The following TTBK2 variants were observed in gnomAD, a reference collection of about 807,000 sequenced individuals.
The protein encoded by TTBK2 is tau-tubulin kinase 2.
In TTBK2, 28 loss-of-function variants were observed where a neutral mutation model predicts 110.8. The ratio of observed to expected loss-of-function variants is 0.25; its 90% CI spans 0.19 to 0.35. The LOEUF is 0.35. Among genes scored for constraint, TTBK2 ranks in the 10% least tolerant of loss-of-function variants. The pLI, the probability that TTBK2 is intolerant of heterozygous loss-of-function variation, is 1.00. For synonymous variants in TTBK2, 532 were observed against 527.3 expected, an observed-to-expected ratio of 1.01 and a Z score of -0.12; for missense variants, 1,369 against 1,500.3, an observed-to-expected ratio of 0.91 and a Z score of 1.45.
At chr15:42,847,726 G>C (rs1595980350) in intron 3 of TTBK2, among the ~76,000 whole-genome samples, 1 of 152,320 alleles carries the variant, frequency 6.6e-6, no homozygotes, top group Non-Finnish European at 1.5e-5. Flanking sequence ...GGCCTTCTTT[G>C]TGTGGGTCAG....
chr15:42,848,488 A>G (rs1381889525), intron 3 of TTBK2, among the ~76,000 whole-genome samples: 2 of 151,228 alleles, frequency 1.3e-5, no homozygotes, highest in African/African-American at 4.9e-5. Context: ...GAATATATAC[A>G]TATACTTTTT....
At chr15:42,804,272 C>G (rs1236853449) in intron 9 of TTBK2, among the ~76,000 whole-genome samples, 3 of 152,000 alleles carry the variant, frequency 2.0e-5, no homozygotes, top group Non-Finnish European at 4.4e-5. Context: ...TGGTGAAACC[C>G]CATGTCTACT....
At chr15:42,875,549 T>C (rs1894784581) in intron 2 of TTBK2, among the ~76,000 whole-genome samples, 1 of 152,022 alleles carries the variant, frequency 6.6e-6, no homozygotes, top group African/African-American at 2.4e-5. Context: ...GCTCTGAGGA[T>C]TGCCCTTAAC....
chr15:42,866,776 C>G (rs1894386736), intron 3 of TTBK2, among the ~76,000 whole-genome samples: 2 of 152,124 alleles, frequency 1.3e-5, no homozygotes, highest in Non-Finnish European at 2.9e-5. Context: ...TGGAAAAATT[C>G]TGAAATACAT....
chr15:42,831,936 A>G (rs969273540), intron 4 of TTBK2, among the ~76,000 whole-genome samples: 3 of 152,222 alleles, frequency 2.0e-5, no homozygotes, highest in Admixed American at 2.0e-4. Flanking sequence ...TTTGAAAAGT[A>G]ATAAACTCTT....
chr15:42,753,388 T>C, intron 13 of TTBK2, 141 bp from the exon 14 acceptor site: 1 of 827,984 alleles, frequency 1.2e-6, no homozygotes, highest in Non-Finnish European at 1.9e-6. Flanking sequence ...ATAAGAAAAA[T>C]GAACAATTCT....
At chr15:42,863,835 G>T (rs1053172022) in intron 3 of TTBK2, among the ~76,000 whole-genome samples, 1 of 152,128 alleles carries the variant, frequency 6.6e-6, no homozygotes, top group East Asian at 1.9e-4. Context: ...ATGTGGAAAG[G>T]CCTCCCTATT....
chr15:42,871,348 G>C, intron 3 of TTBK2: 1 of 700,626 alleles, frequency 1.4e-6, no homozygotes, highest in Non-Finnish European at 1.8e-6. Context: ...GTACTAAACT[G>C]ATCTTCAAGT....
intron 1 of TTBK2, among the ~76,000 whole-genome samples, chr15:42,885,717 T>A (rs1895216418): frequency 6.6e-6 from 1 of 151,950 alleles, no homozygotes; most frequent in Non-Finnish European, 1.5e-5. Flanking sequence ...GGGCAAGCAC[T>A]CCCCACCCCT....
At chr15:42,750,654 T>C (rs1353074845) in intron 14 of TTBK2, among the ~76,000 whole-genome samples, 6 of 150,372 alleles carry the variant, frequency 4.0e-5, no homozygotes, top group African/African-American at 1.2e-4. Context: ...ATTGTGGGAG[T>C]TCCAGAAGGA....
chr15:42,869,237 G>A (rs533980959), intron 3 of TTBK2, among the ~76,000 whole-genome samples: 17 of 151,920 alleles, frequency 1.1e-4, no homozygotes, highest in African/African-American at 3.1e-4. Flanking sequence ...ACAGGCGCAC[G>A]CCACCACGCT....
chr15:42,747,493 A>T (rs548131123), intron 14 of TTBK2, among the ~76,000 whole-genome samples: 90 of 152,328 alleles, frequency 5.9e-4, no homozygotes, highest in African/African-American at 2.1e-3. Context: ...TTTCAGGATG[A>T]AAGTGTTCCA....
intron 9 of TTBK2, among the ~76,000 whole-genome samples, chr15:42,796,845 T>C (rs1890967316): frequency 6.6e-6 from 1 of 152,248 alleles, no homozygotes; most frequent in Non-Finnish European, 1.5e-5. Flanking sequence ...ACTCACATGA[T>C]TTAATCTTTC....
intron 10 of TTBK2, among the ~76,000 whole-genome samples, chr15:42,783,922 C>T (rs1473769072): frequency 6.6e-6 from 1 of 151,546 alleles, no homozygotes; most frequent in African/African-American, 2.4e-5. Context: ...ATTAGCTGGG[C>T]GTGGTGGTGG....
chr15:42,816,467 C>T (rs1268155099), intron 7 of TTBK2, among the ~76,000 whole-genome samples: 1 of 151,934 alleles, frequency 6.6e-6, no homozygotes, highest in Non-Finnish European at 1.5e-5. Context: ...TCTTTTCTGG[C>T]AAATCCAATT....
At chr15:42,794,593 A>T (rs1351809394) in intron 10 of TTBK2, 51 bp downstream of exon 10, 7 of 1,613,856 alleles carry the variant, frequency 4.3e-6, no homozygotes, top group Non-Finnish European at 5.9e-6. Context: ...AATTTTTGCA[A>T]ATATAATACA....
intron 13 of TTBK2, among the ~76,000 whole-genome samples, chr15:42,764,465 G>A (rs1889259976): frequency 6.6e-6 from 1 of 152,260 alleles, no homozygotes; most frequent in African/African-American, 2.4e-5. Flanking sequence ...TCCTGCGCCA[G>A]GCTCAGCGGG....
intron 2 of TTBK2, among the ~76,000 whole-genome samples, chr15:42,877,617 G>A (rs1005316426): frequency 1.3e-5 from 2 of 152,152 alleles, no homozygotes; most frequent in African/African-American, 2.4e-5. Flanking sequence ...TCAGGAGAAT[G>A]TGAAAACTAA....
At chr15:42,897,792 T>C (rs557214830) in intron 1 of TTBK2, among the ~76,000 whole-genome samples, 2 of 151,008 alleles carry the variant, frequency 1.3e-5, no homozygotes, top group Admixed American at 6.6e-5. Flanking sequence ...ATTTAATGAA[T>C]CTGAGAAAAC....
Sources: gnomAD v4.1 joint callset for allele counts (sites outside exome capture counted in the v4.1 genomes callset) on GRCh38, gnomAD v4.1.1 for gene constraint, MANE v1.5 for transcripts, NCBI Gene and HGNC (gene_info 2026-07-23, HGNC 2026-07-21) for gene names.